The following MYCBP2 variants were observed in gnomAD, a reference collection of about 807,000 sequenced individuals.
The protein encoded by MYCBP2 is MYC binding protein 2.
In MYCBP2, 120 loss-of-function variants were observed where a neutral mutation model predicts 525.3. The ratio of observed to expected loss-of-function variants is 0.23; its 90% CI spans 0.20 to 0.27. MYCBP2 has a LOEUF of 0.27. MYCBP2 is among the 10% of genes least tolerant of loss of function. The probability of loss-of-function intolerance (pLI) is 1.00; values close to 1 mark genes in which losing one functional copy is unlikely to be tolerated. For synonymous variants in MYCBP2, 1,894 were observed against 1,955.8 expected, an observed-to-expected ratio of 0.97 and a Z score of 0.83; for missense variants, 4,149 against 5,657.1, an observed-to-expected ratio of 0.73 and a Z score of 8.55.
At chr13:77,308,215 T>A (rs2079710984) in intron 1 of MYCBP2, among the ~76,000 whole-genome samples, 1 of 152,188 alleles carries the variant, frequency 6.6e-6, no homozygotes, top group South Asian at 2.1e-4. Flanking sequence ...TAACCATCTA[T>A]TTAACCAATA....
intron 21 of MYCBP2, 47 bp from the exon 22 acceptor site, chr13:77,212,207 T>C (rs1593957223): frequency 6.5e-7 from 1 of 1,537,862 alleles, no homozygotes; most frequent in Non-Finnish European, 8.9e-7. Context: ...GTGTAAACAA[T>C]CTAATTTTCA....
chr13:77,272,385 G>A (rs958095410), intron 5 of MYCBP2: 2 of 152,132 alleles, frequency 1.3e-5, no homozygotes, highest in Non-Finnish European at 2.9e-5. Flanking sequence ...GAGCTCTAAT[G>A]GCATTCCTAA....
intron 55 of MYCBP2, among the ~76,000 whole-genome samples, chr13:77,110,325 C>T (rs772565772): frequency 7.2e-5 from 11 of 152,158 alleles, no homozygotes; most frequent in Non-Finnish European, 1.0e-4. Context: ...GACTGAAATA[C>T]GCCCTGGTCT....
intron 55 of MYCBP2, among the ~76,000 whole-genome samples, chr13:77,119,082 C>T (rs895265349): frequency 6.6e-6 from 1 of 151,956 alleles, no homozygotes; most frequent in Admixed American, 6.6e-5. Context: ...AAATATTTTG[C>T]TTAGATGAAT....
chr13:77,065,642 G>A (rs768698654), intron 72 of MYCBP2, among the ~76,000 whole-genome samples: 25 of 152,186 alleles, frequency 1.6e-4, no homozygotes, highest in Admixed American at 5.9e-4. Context: ...GAGGACTGAG[G>A]AGAATGAGAA....
In MYCBP2 at chr13:77,098,879, T is replaced by C. The variant is rs1454985702; in HGVS notation, c.8275A>G (p.Arg2759Gly). The change falls in exon 56 of 83, where the codon AGG (arginine) becomes GGG (glycine). Residue 2759 changes from arginine to glycine, a missense_variant. Physicochemically the swap from Arg to Gly is moderately radical, Grantham distance 125. This residue lies in a region of MYCBP2 where 653 missense variants were observed against 744.7 expected (regional missense o/e 0.88). Coordinates refer to ENST00000544440, the MANE Select transcript of MYCBP2 (RefSeq NM_015057.5). ...CTAGCAGATAAACTTTCTGTGCCCC[T>C]TGGCTTCTTCTGATCAGCAGTAGTC... is the stretch of plus-strand genomic sequence containing the variant. ...SRTTADQKKP[R>G]GTESLSASES... The C allele has an allele frequency of 6.2e-7, 1 of 1,613,612 alleles. No homozygotes were observed. The highest frequency in any genetic ancestry group is 1.3e-5 in the African/African-American group (1 of 74,874).
intron 3 of MYCBP2, among the ~76,000 whole-genome samples, chr13:77,286,427 G>A (rs1256898490): frequency 1.3e-5 from 2 of 151,868 alleles, no homozygotes; most frequent in Non-Finnish European, 2.9e-5. Flanking sequence ...TTCTTTTGTT[G>A]TAAATATTAA....
At chr13:77,295,542 T>A (rs976579021) in intron 2 of MYCBP2, among the ~76,000 whole-genome samples, 4 of 152,314 alleles carry the variant, frequency 2.6e-5, no homozygotes, top group African/African-American at 9.6e-5. Context: ...TGAAGTAGAT[T>A]TCTCTCAGTT....
At chr13:77,211,415 G>T in intron 22 of MYCBP2, 95 bp from the exon 23 acceptor site, 2 of 594,796 alleles carry the variant, frequency 3.4e-6, no homozygotes, top group Non-Finnish European at 4.7e-6. Flanking sequence ...TTTCTCAGGT[G>T]AATAAGCAGA....
intron 4 of MYCBP2, among the ~76,000 whole-genome samples, chr13:77,277,147 T>C (rs181787938): frequency 1.6e-4 from 24 of 152,250 alleles, no homozygotes; most frequent in African/African-American, 5.8e-4. Flanking sequence ...AGAAATAACA[T>C]GTTCAAAGTA....
chr13:77,218,133 GA>G (rs1776668891), intron 20 of MYCBP2, among the ~76,000 whole-genome samples, 176 bp from the exon 21 acceptor site: 1 of 152,112 alleles, frequency 6.6e-6, no homozygotes, highest in African/African-American at 2.4e-5. Flanking sequence ...AAACAAAGAT[GA>G]AAAAGACAGT....
intron 74 of MYCBP2, 114 bp from the exon 75 acceptor site, chr13:77,061,904 A>G (rs2039366434): frequency 9.0e-7 from 1 of 1,105,248 alleles, no homozygotes; most frequent in Admixed American, 3.1e-5. Flanking sequence ...TCTATTAAGA[A>G]TTTAGAATCT....
intron 77 of MYCBP2, among the ~76,000 whole-genome samples, chr13:77,059,260 T>C (rs372568958): frequency 6.6e-6 from 1 of 152,204 alleles, no homozygotes; most frequent in Non-Finnish European, 1.5e-5. Context: ...AGTTCATAAA[T>C]TTTTAACTGT....
chr13:77,326,906 T>C lies in MYCBP2; in HGVS notation c.-131A>G. On this transcript the variant is annotated 5_prime_UTR_variant, in exon 1 of 83. The change abolishes the stop of an existing upstream ORF in the 5' untranslated region. Coordinates refer to ENST00000544440, the MANE Select transcript of MYCBP2 (RefSeq NM_015057.5). This position sits in a 1 kb window ranked among gnomAD's most constrained non-coding sequence, Gnocchi z 4.2. ...CCTCTGGCTCCCGCAGCAGGGAGAC[T>C]ACAAAGACAGCGACCTCCTTCTCCT... The C allele has an allele frequency of 1.2e-6, 1 of 831,782 alleles. No individual in the cohort carries two copies. The highest frequency in any genetic ancestry group is 3.3e-5 in the East Asian group (1 of 29,972). 51.5% of individuals were successfully genotyped at this position (831,782 alleles called of 1,614,324 possible).
intron 1 of MYCBP2, among the ~76,000 whole-genome samples, chr13:77,309,554 G>C (rs2079902152): frequency 6.6e-6 from 1 of 152,126 alleles, no homozygotes; most frequent in Non-Finnish European, 1.5e-5. Flanking sequence ...TGAGAAACTA[G>C]CTCTTCCTCC....
intron 75 of MYCBP2, 84 bp downstream of exon 75, chr13:77,061,578 C>T (rs1193940952): frequency 2.0e-6 from 3 of 1,464,678 alleles, no homozygotes. Context: ...TCCACTTTTT[C>T]CCCCTACTAC....
chr13:77,194,140 A>C lies in MYCBP2; in HGVS notation c.3935+13T>G, dbSNP rs775459049. Reference sequence around the variant, plus strand: ...ATGCAAGAGTTACAATGAATAATGCACAAATTATTTACCTAGCAGCACAGT... The same window carrying C: ...ATGCAAGAGTTACAATGAATAATGCCCAAATTATTTACCTAGCAGCACAGT... On this transcript the variant is annotated intron_variant, in intron 27 of 82. Transcript: ENST00000544440. The C allele has an allele frequency of 1.9e-6, 3 of 1,570,182 alleles. No homozygotes were observed. The South Asian group carries it at 3.4e-5, about 18-fold the overall frequency.
At chr13:77,304,002 G>T (rs1305831361) in intron 1 of MYCBP2, among the ~76,000 whole-genome samples, 1 of 152,142 alleles carries the variant, frequency 6.6e-6, no homozygotes, top group Non-Finnish European at 1.5e-5. Flanking sequence ...TTGAAGATGT[G>T]GAGAAAGTAG....
Position 77,097,993 on chromosome 13 carries a change from AAAG to A in MYCBP2, c.9158_9160del (p.Ser3053del). On this transcript the variant is annotated inframe_deletion, in exon 56 of 83. Coordinates refer to ENST00000544440, the MANE Select transcript of MYCBP2 (RefSeq NM_015057.5). ...GGAAAGTTCAGGATGAAACTTTAGGAAAGAAGAACAAGCCATTGCATCATGTAC... is the reference window on the plus strand; with the variant it reads ...GGAAAGTTCAGGATGAAACTTTAGGAAAGAACAAGCCATTGCATCATGTAC... The A allele has an allele frequency of 6.2e-7, 1 of 1,613,658 alleles. No individual in the cohort carries two copies. Among genetic ancestry groups the A allele is most frequent in the Non-Finnish European group, 8.5e-7 (1 of 1,179,812 alleles).
Sources: allele counts gnomAD v4.1 joint callset (sites outside exome capture counted in the v4.1 genomes callset), GRCh38; gene constraint gnomAD v4.1.1; regional missense constraint gnomAD v4.1.1; non-coding constraint Gnocchi (gnomAD v3.1); transcripts MANE v1.5; gene names NCBI Gene and HGNC (gene_info 2026-07-23, HGNC 2026-07-21).